The following HACE1 variants were observed in gnomAD, a reference collection of about 807,000 sequenced individuals.
The protein encoded by HACE1 is E3 ubiquitin-protein ligase HACE1.
HACE1 carries 73 observed loss-of-function variants against 118.4 expected under a neutral mutation model. The ratio of observed to expected loss-of-function variants is 0.62; its 90% CI spans 0.51 to 0.75. The LOEUF is 0.75. Ranked by LOEUF, HACE1 falls within the 30% of genes least tolerant of loss-of-function variation. The pLI is 0.00. For synonymous variants in HACE1, 368 were observed against 374.8 expected (o/e 0.98, Z 0.21); for missense variants, 749 against 1,102.2 (o/e 0.68, Z 4.54).
intron 22 of HACE1, among the ~76,000 whole-genome samples, chr6:104,732,634 T>C (rs938223711): frequency 6.6e-6 from 1 of 152,158 alleles, no homozygotes; most frequent in Non-Finnish European, 1.5e-5. Flanking sequence ...CACACATTAA[T>C]GTGAATGCAC....
At chr6:104,733,648 G>C (rs924195852) in intron 22 of HACE1, among the ~76,000 whole-genome samples, 1 of 149,956 alleles carries the variant, frequency 6.7e-6, no homozygotes, top group African/African-American at 2.5e-5. Context: ...AGATCAGTAG[G>C]GACCAGACTG....
intron 14 of HACE1, among the ~76,000 whole-genome samples, chr6:104,780,122 T>C (rs1781575661): frequency 6.6e-6 from 1 of 152,160 alleles, no homozygotes; most frequent in Non-Finnish European, 1.5e-5. Context: ...TTATTGTCAA[T>C]AACTATTTAA....
intron 3 of HACE1, among the ~76,000 whole-genome samples, chr6:104,850,682 C>T (rs1776114750): frequency 6.6e-6 from 1 of 152,218 alleles, no homozygotes; most frequent in Non-Finnish European, 1.5e-5. Flanking sequence ...AACCTACTCT[C>T]ATCTGATATA....
chr6:104,805,537 A>C (rs1024679026), intron 7 of HACE1, among the ~76,000 whole-genome samples: 14 of 152,222 alleles, frequency 9.2e-5, no homozygotes, highest in African/African-American at 3.4e-4. Context: ...AAAAAGGAGG[A>C]GTTCATGTCC....
At chr6:104,793,085 G>A (rs1331465860) in intron 10 of HACE1, among the ~76,000 whole-genome samples, 1 of 151,698 alleles carries the variant, frequency 6.6e-6, no homozygotes, top group Non-Finnish European at 1.5e-5. Flanking sequence ...TGGCTACACA[G>A]TGAAACCCCG....
At chr6:104,733,320 T>TA (rs924102572) in intron 22 of HACE1, among the ~76,000 whole-genome samples, 20 of 152,144 alleles carry the variant, frequency 1.3e-4, no homozygotes, top group Admixed American at 3.3e-4. Context: ...ACATCTTAAT[T>TA]AAAATTATTC....
At chr6:104,842,489 GC>G (rs1775217886) in intron 5 of HACE1, 1 of 151,594 alleles carries the variant, frequency 6.6e-6, no homozygotes, top group South Asian at 2.1e-4. Context: ...ATCTCAGAGT[GC>G]AAGGAATACA....
rs1162194858 is a variant in HACE1 at position 104,728,342 on chromosome 6, G to A, written c.*1320C>T. 3 of 152,002 alleles carry A rather than the reference G, an allele frequency of 2.0e-5. No homozygotes were observed. Among genetic ancestry groups the A allele is most frequent in the Admixed American group, 1.3e-4 (2 of 15,260 alleles). 9.4% of individuals were successfully genotyped at this position (152,002 alleles called of 1,614,324 possible). A position where few individuals can be genotyped will look rare whatever the true frequency, so the allele number is the denominator to read the frequency against. On this transcript the variant is annotated 3_prime_UTR_variant, in exon 24 of 24. Coordinates refer to ENST00000262903, the MANE Select transcript of HACE1 (RefSeq NM_020771.4). ...TTCAGTTACTATAAATAAAGCATCC[G>A]AATCTTAATTTTAGAGCTAATGGTA...
chr6:104,818,153 T>C (rs904361698), intron 6 of HACE1, among the ~76,000 whole-genome samples: 2 of 152,198 alleles, frequency 1.3e-5, no homozygotes, highest in African/African-American at 4.8e-5. Flanking sequence ...AACACTGTTA[T>C]ATAAAACTAT....
At chr6:104,750,160 T>C (rs1777881826) in intron 20 of HACE1, among the ~76,000 whole-genome samples, 181 bp downstream of exon 20, 1 of 152,200 alleles carries the variant, frequency 6.6e-6, no homozygotes, top group South Asian at 2.1e-4. Context: ...ATCTGGTTAT[T>C]AAGCTTAAGA....
intron 1 of HACE1, chr6:104,858,479 C>T (rs1271135938): frequency 2.5e-6 from 1 of 398,382 alleles, no homozygotes. Context: ...GGGTGCGGAT[C>T]ACTTGAGCCC....
At position 104,813,760 on chromosome 6, in the gene HACE1, A is replaced by G; in HGVS notation, c.535-2367T>C. Among the ~76,000 whole-genome samples, 2 of 138,424 alleles carry G rather than the reference A, an allele frequency of 1.4e-5. 1 individual carries two copies. The highest frequency in any genetic ancestry group is 1.4e-4 in the Admixed American group (2 of 13,944). The allele number at this position is 138,424 out of a possible 152,430, so 90.8% of individuals were successfully genotyped here. A position where few individuals can be genotyped will look rare whatever the true frequency, so the allele number is the denominator to read the frequency against. Reference sequence around the variant, plus strand: ...CACCATTACACATGAATGAACAGACAATATTAAAAATACAACTGAAGCAGG... The same window carrying G: ...CACCATTACACATGAATGAACAGACGATATTAAAAATACAACTGAAGCAGG... On this transcript the variant is annotated intron_variant, in intron 6 of 23. Transcript: ENST00000262903.
intron 3 of HACE1, among the ~76,000 whole-genome samples, chr6:104,849,816 T>A (rs1218981058): frequency 6.6e-6 from 1 of 150,946 alleles, no homozygotes; most frequent in Non-Finnish European, 1.5e-5. Flanking sequence ...GCCAGGCTAC[T>A]TTTTTTTGTA....
intron 19 of HACE1, among the ~76,000 whole-genome samples, chr6:104,751,967 A>AAAAC (rs1778101105): frequency 6.6e-6 from 1 of 150,702 alleles, no homozygotes; most frequent in African/African-American, 2.4e-5. Context: ...AAAAAAAAAA[A>AAAAC]CAGGGGAAAA....
rs1210978963 is a variant in HACE1 at position 104,796,952 on chromosome 6, T to A, written c.691A>T (p.Thr231Ser). 1.3e-6 allele frequency: 2 copies of A among 1,586,162 alleles called. No individual in the cohort carries two copies. The highest frequency in any genetic ancestry group is 1.7e-6 in the Non-Finnish European group (2 of 1,154,794). Reference sequence around the variant, plus strand: ...ACCTGTACACATAAATCCAGAGGAGTTACTCCATTTTTATCTGGCAGATAT... The same window carrying A: ...ACCTGTACACATAAATCCAGAGGAGATACTCCATTTTTATCTGGCAGATAT... ...AKYLPDKNGV[T>S]PLDLCVQGGY... Residue 231 changes from threonine to serine, a missense_variant, in exon 8 of 24, where the codon ACT becomes TCT. Thr to Ser is a moderately conservative substitution (Grantham distance 58, BLOSUM62 1). Transcript: ENST00000262903.
At chr6:104,792,841 G>T (rs1037684961) in intron 10 of HACE1, among the ~76,000 whole-genome samples, 3 of 152,176 alleles carry the variant, frequency 2.0e-5, no homozygotes, top group Non-Finnish European at 4.4e-5. Context: ...CAATCAAGCA[G>T]CTGACCAATC....
intron 14 of HACE1, among the ~76,000 whole-genome samples, chr6:104,777,546 A>G (rs1339123095): frequency 1.3e-5 from 2 of 152,188 alleles, no homozygotes; most frequent in Non-Finnish European, 2.9e-5. Flanking sequence ...AAATTCCTAC[A>G]TTTTCAACAC....
chr6:104,772,402 T>TAC lies in HACE1; in HGVS notation c.1865-330_1865-329dup, dbSNP rs143145910. On this transcript the variant is annotated intron_variant, in intron 17 of 23. Coordinates refer to ENST00000262903, the MANE Select transcript of HACE1 (RefSeq NM_020771.4). ...GCAGAGGATCATATACACATACACA[T>TAC]ACACACACACACACGCACATATACA... 6.3e-4 allele frequency among the ~76,000 whole-genome samples: 95 copies of TAC among 151,312 alleles called. 1 individual carries two copies. The highest frequency in any genetic ancestry group is 4.6e-3 in the South Asian group (22 of 4,800).
chr6:104,755,872 T>C (rs1296584153), intron 19 of HACE1, among the ~76,000 whole-genome samples: 1 of 151,930 alleles, frequency 6.6e-6, no homozygotes, highest in East Asian at 1.9e-4. Context: ...CTAAAATAAC[T>C]AGAGAGCCAA....
Sources: gnomAD v4.1 joint callset for allele counts (sites outside exome capture counted in the v4.1 genomes callset) on GRCh38, gnomAD v4.1.1 for gene constraint, MANE v1.5 for transcripts, NCBI Gene and HGNC (gene_info 2026-07-23, HGNC 2026-07-21) for gene names.